The following MAST4 variants were observed in gnomAD, a reference collection of about 807,000 sequenced individuals.
MAST4 encodes microtubule associated serine/threonine kinase family member 4.
Under a neutral mutation model 162.7 loss-of-function variants are expected in MAST4, and 89 were observed. That is an observed-to-expected ratio of 0.55 (90% CI 0.46 to 0.65). The LOEUF is 0.65. Among genes scored for constraint, MAST4 ranks in the 30% least tolerant of loss-of-function variants. The probability of loss-of-function intolerance (pLI) is 0.00; values close to 1 mark genes in which losing one functional copy is unlikely to be tolerated. For synonymous variants in MAST4, 1,479 were observed against 1,361.1 expected (o/e 1.09, Z -1.91); for missense variants, 3,153 against 3,374.0 (o/e 0.93, Z 1.62).
At chr5:66,814,424 C>G (rs891334536) in intron 3 of MAST4, among the ~76,000 whole-genome samples, 33 of 152,148 alleles carry the variant, frequency 2.2e-4, no homozygotes, top group African/African-American at 7.7e-4. Flanking sequence ...GAGGAGCAGC[C>G]ACAGATATGT....
intron 4 of MAST4, among the ~76,000 whole-genome samples, chr5:66,967,420 G>C (rs1362755599): frequency 1.3e-5 from 2 of 152,118 alleles, no homozygotes; most frequent in Non-Finnish European, 2.9e-5. Flanking sequence ...TTGCTAAATA[G>C]GACTTACGTT....
chr5:66,941,870 CAGAA>C (rs536114985), intron 4 of MAST4, among the ~76,000 whole-genome samples: 32 of 152,158 alleles, frequency 2.1e-4, no homozygotes, highest in South Asian at 4.1e-4. Context: ...TCTCAGGAAA[CAGAA>C]AGGCCCATGG....
At chr5:66,819,739 C>T (rs1756902025) in intron 3 of MAST4, among the ~76,000 whole-genome samples, 1 of 147,618 alleles carries the variant, frequency 6.8e-6, no homozygotes, top group Non-Finnish European at 1.5e-5. Flanking sequence ...GGCAACAGTG[C>T]ATTTAACCTA....
At chr5:66,665,130 T>C (rs1024002638) in intron 1 of MAST4, among the ~76,000 whole-genome samples, 13 of 152,250 alleles carry the variant, frequency 8.5e-5, no homozygotes, top group Non-Finnish European at 1.3e-4. Flanking sequence ...GAACTTGATA[T>C]AGTGCATATA....
At chr5:66,794,870 T>C (rs1755575977) in intron 3 of MAST4, among the ~76,000 whole-genome samples, 1 of 152,210 alleles carries the variant, frequency 6.6e-6, no homozygotes, top group Admixed American at 6.5e-5. Flanking sequence ...ATTTAAACTG[T>C]AATATATTCA....
At chr5:66,809,448 G>A (rs1434872239) in intron 3 of MAST4, among the ~76,000 whole-genome samples, 1 of 152,150 alleles carries the variant, frequency 6.6e-6, no homozygotes, top group Non-Finnish European at 1.5e-5. Context: ...GGGAGGAAGA[G>A]GTTCAGTCAT....
At chr5:66,734,269 G>GC (rs1274138673) in intron 1 of MAST4, among the ~76,000 whole-genome samples, 1 of 152,110 alleles carries the variant, frequency 6.6e-6, no homozygotes, top group East Asian at 1.9e-4. Context: ...TGACTTGTGG[G>GC]CACCAAGTCA....
chr5:66,973,747 T>G (rs73766105), intron 4 of MAST4, among the ~76,000 whole-genome samples: 21 of 152,342 alleles, frequency 1.4e-4, no homozygotes, highest in African/African-American at 5.0e-4. Flanking sequence ...TTAATTGGTG[T>G]TCTTCAGTTG....
At chr5:66,872,411 C>G (rs565477621) in intron 3 of MAST4, among the ~76,000 whole-genome samples, 1 of 152,140 alleles carries the variant, frequency 6.6e-6, no homozygotes, top group Non-Finnish European at 1.5e-5. Flanking sequence ...CTCAGGTGAT[C>G]CACCTGCCTC....
chr5:66,764,994 T>C (rs1580397595), intron 2 of MAST4, among the ~76,000 whole-genome samples: 1 of 152,164 alleles, frequency 6.6e-6, no homozygotes, highest in South Asian at 2.1e-4. Context: ...TTTTTATCTT[T>C]TATATTTTAA....
chr5:66,637,711 C>T (rs1310671277), intron 1 of MAST4, among the ~76,000 whole-genome samples: 1 of 151,790 alleles, frequency 6.6e-6, no homozygotes, highest in Non-Finnish European at 1.5e-5. Context: ...CTTTTTCTTT[C>T]TTTTTTTCTT....
intron 4 of MAST4, among the ~76,000 whole-genome samples, chr5:67,040,556 C>T (rs981069022): frequency 2.0e-5 from 3 of 152,182 alleles, no homozygotes; most frequent in African/African-American, 7.2e-5. Flanking sequence ...ACTGTCTGTC[C>T]ACCAGGGTCA....
In MAST4 at chr5:67,110,172, C is replaced by T. The variant is rs1766063405; in HGVS notation, c.1431C>T (p.Ala477=). The T allele has an allele frequency of 6.2e-7, 1 of 1,613,400 alleles. No homozygotes were observed. The highest frequency in any genetic ancestry group is 8.5e-7 in the Non-Finnish European group (1 of 1,179,460). ...TTCGAAAGATCCTAATTGTTATTGC[C>T]CGCCCTGCTCGGTTATTAGAGTGCC... is the stretch of plus-strand genomic sequence containing the variant. The part of the protein sequence containing the change: ...QLVRKILIVI[A]RPARLLECLE... The change falls in exon 11 of 29, where the codon GCC becomes GCT. Residue 477 remains alanine (A), a synonymous_variant. Transcript: ENST00000403625.
At chr5:66,654,224 T>C (rs1005236068) in intron 1 of MAST4, among the ~76,000 whole-genome samples, 4 of 152,208 alleles carry the variant, frequency 2.6e-5, no homozygotes, top group Non-Finnish European at 2.9e-5. Context: ...GTCCTGATGC[T>C]AAAGTTTAGT....
chr5:66,893,363 G>A (rs781062199), intron 3 of MAST4, among the ~76,000 whole-genome samples: 105 of 150,338 alleles, frequency 7.0e-4, no homozygotes, highest in Middle Eastern at 3.4e-3. Context: ...GTGCCACCAC[G>A]CCCAGCTAAT....
chr5:66,704,563 C>T (rs1031810701), intron 1 of MAST4, among the ~76,000 whole-genome samples: 6 of 140,910 alleles, frequency 4.3e-5, no homozygotes, highest in African/African-American at 8.2e-5. Flanking sequence ...TGCAGTGGCA[C>T]GATCTCGGCT....
rs140411345 is a variant in MAST4 at position 66,908,434 on chromosome 5, G to A, written c.674+8452G>A. ...AAATCAGAATCTAGTGTGTATTGAG[G>A]GCAGGGTAAGGTAGAGGCTTGAGTA... is the stretch of plus-strand genomic sequence containing the variant. On this transcript the variant is annotated intron_variant, in intron 4 of 28. Coordinates refer to ENST00000403625, the MANE Select transcript of MAST4 (RefSeq NM_001164664.2). Among the ~76,000 whole-genome samples, 81 of 152,188 alleles carry A rather than the reference G, an allele frequency of 5.3e-4. No individual in the cohort carries two copies. In the East Asian group the frequency reaches 0.015, roughly 29 times the overall value.
At chr5:67,037,024 A>G (rs1337311160) in intron 4 of MAST4, among the ~76,000 whole-genome samples, 1 of 152,164 alleles carries the variant, frequency 6.6e-6, no homozygotes, top group Non-Finnish European at 1.5e-5. Flanking sequence ...ATTTGTTGTT[A>G]ATTGGCTTGA....
At position 67,165,855 on chromosome 5, in the gene MAST4, G is replaced by A. The variant is rs1195193610; in HGVS notation, c.6676G>A (p.Glu2226Lys). The A allele has an allele frequency of 2.5e-6, 4 of 1,613,210 alleles. No individual in the cohort carries two copies. In the Admixed American group the frequency reaches 5.0e-5, roughly 20 times the overall value. The change falls in exon 29 of 29, where the codon GAG becomes AAG. Residue 2226 changes from glutamate to lysine, a missense_variant. By Grantham distance (56) the Glu-to-Lys change is moderately conservative. Transcript: ENST00000403625. ...KPSVGATKGK[E>K]PATQSLGGSS... Reference sequence around the variant, plus strand: ...AAGTGTCGGGGCCACAAAGGGCAAAGAGCCTGCCACTCAGTCCCTCGGTGG... The same window carrying A: ...AAGTGTCGGGGCCACAAAGGGCAAAAAGCCTGCCACTCAGTCCCTCGGTGG...
Sources: gnomAD v4.1 joint callset for allele counts (sites outside exome capture counted in the v4.1 genomes callset) on GRCh38, gnomAD v4.1.1 for gene constraint, MANE v1.5 for transcripts, NCBI Gene and HGNC (gene_info 2026-07-23, HGNC 2026-07-21) for gene names.